Variants in SCUBE2 observed in about 807,000 individuals in gnomAD.
SCUBE2 encodes signal peptide, CUB domain and EGF like domain containing 2, also known as signal peptide, CUB and EGF-like domain-containing protein 2.
SCUBE2 carries 114 observed loss-of-function variants against 125.9 expected under a neutral mutation model. The observed-to-expected ratio is 0.91, with a 90% CI of 0.78 to 1.06. The LOEUF (loss-of-function observed/expected upper bound fraction) is 1.06, where lower values mean the gene tolerates loss of function less well. Ranked by LOEUF, SCUBE2 falls within the 50% of genes least tolerant of loss-of-function variation. The pLI, the probability that SCUBE2 is intolerant of heterozygous loss-of-function variation, is 0.00. For missense variants in SCUBE2, 1,255 were observed against 1,301.8 expected, an observed-to-expected ratio of 0.96 and a Z score of 0.55; for synonymous variants, 459 against 492.9, an observed-to-expected ratio of 0.93 and a Z score of 0.91.
At chr11:9,051,237 C>CCTACCTATCTAT (rs1555245415) in intron 13 of SCUBE2, among the ~76,000 whole-genome samples, 3,222 of 150,310 alleles carry the variant, frequency 0.021, 98 homozygotes, top group East Asian at 0.073. Context: ...TACCTACCTA[C>CCTACCTATCTAT]CTATCTATCT....
chr11:9,039,298 G>C (rs1293129647), intron 16 of SCUBE2, among the ~76,000 whole-genome samples: 1 of 152,070 alleles, frequency 6.6e-6, no homozygotes, highest in African/African-American at 2.4e-5. Context: ...GGAGAAAACT[G>C]GTCAGATAAA....
intron 7 of SCUBE2, chr11:9,064,841 G>A (rs939938352): frequency 4.6e-5 from 7 of 152,124 alleles, no homozygotes; most frequent in African/African-American, 1.7e-4. Context: ...TGTTTAGGTT[G>A]AGCCAGACTT....
rs1318323400 is a variant in SCUBE2, at chr11:9,029,168, T to TA, written c.2503+715dup. ...TAATTTTGGTTATAAATAGTGGCTT[T>TA]AAAAAAAAAGCCTAGACAGCAAGTC... is the stretch of plus-strand genomic sequence containing the variant. On this transcript the variant is annotated intron_variant, in intron 19 of 22. Coordinates refer to ENST00000649792, the MANE Select transcript of SCUBE2 (RefSeq NM_001367977.2). Among the ~76,000 whole-genome samples the TA allele has an allele frequency of 5.3e-5, 8 of 151,334 alleles. No individual in the cohort carries two copies. The South Asian group carries it at 1.0e-3, about 20-fold the overall frequency.
intron 16 of SCUBE2, among the ~76,000 whole-genome samples, chr11:9,040,681 G>C (rs1857156218): frequency 6.7e-6 from 1 of 148,884 alleles, no homozygotes; most frequent in Non-Finnish European, 1.5e-5. Flanking sequence ...CACAGTGTGG[G>C]TACGCAGGAG....
intron 13 of SCUBE2, among the ~76,000 whole-genome samples, chr11:9,051,243 T>TAC (rs1250184755): frequency 6.6e-6 from 1 of 152,124 alleles, no homozygotes; most frequent in Non-Finnish European, 1.5e-5. Context: ...CCTACCTATC[T>TAC]ATCTATCTAT....
chr11:9,087,642 T>G (rs1180911475), intron 2 of SCUBE2, among the ~76,000 whole-genome samples: 1 of 151,698 alleles, frequency 6.6e-6, no homozygotes, highest in South Asian at 2.1e-4. Context: ...GGAGCCTCAC[T>G]CCTCATGCAC....
chr11:9,024,301 T>A, intron 21 of SCUBE2: 1 of 1,168,724 alleles, frequency 8.6e-7, no homozygotes, highest in Non-Finnish European at 1.1e-6. Context: ...TGCTTTTGGG[T>A]AGATGAGGCT....
chr11:9,075,431 G>A (rs1323132939), intron 3 of SCUBE2, among the ~76,000 whole-genome samples: 2 of 152,144 alleles, frequency 1.3e-5, no homozygotes, highest in Admixed American at 6.5e-5. Flanking sequence ...GGAAGAGAGC[G>A]TAAGCAGTAG....
At position 9,060,418 on chromosome 11, in the gene SCUBE2, C is replaced by T. The variant is rs779022857; in HGVS notation, c.957G>A (p.Lys319=). ...PVGFTLQLDG[K]TCKDIDECQT... ...GGAGGTGAAGGCTACCTTTACATGT[C>T]TTCCCATCCAACTGGAGAGTGAATC... Residue 319 remains lysine, a synonymous_variant, in exon 8 of 23, where the codon AAG becomes AAA. Transcript: ENST00000649792. The T allele has an allele frequency of 9.9e-6, 16 of 1,613,638 alleles. No homozygotes were observed. The Admixed American group carries it at 1.8e-4, about 18-fold the overall frequency.
intron 19 of SCUBE2, among the ~76,000 whole-genome samples, chr11:9,028,623 C>T (rs946269257): frequency 1.3e-5 from 2 of 152,184 alleles, no homozygotes; most frequent in African/African-American, 2.4e-5. Context: ...GAAGGGATTA[C>T]TTTTTCCCTC....
chr11:9,053,464 C>T (rs576985355), intron 11 of SCUBE2, among the ~76,000 whole-genome samples, 173 bp downstream of exon 11: 3 of 152,332 alleles, frequency 2.0e-5, no homozygotes, highest in African/African-American at 7.2e-5. Context: ...AAGGAAACAC[C>T]AAAGATCCGG....
At position 9,020,387 on chromosome 11, in the gene SCUBE2, T is replaced by C. The variant is rs983231391; in HGVS notation, c.*658A>G. ...AAGGCTGGCAATAAATGTACATTATTATGTCTCCAGAAGTGCTTAGTTTTT... is the reference window on the plus strand; with the variant it reads ...AAGGCTGGCAATAAATGTACATTATCATGTCTCCAGAAGTGCTTAGTTTTT... On this transcript the variant is annotated 3_prime_UTR_variant, in exon 23 of 23. Coordinates refer to ENST00000649792, the MANE Select transcript of SCUBE2 (RefSeq NM_001367977.2). 6.6e-6 allele frequency: 1 copy of C among 152,178 alleles called. No homozygotes were observed. 9.4% of individuals were successfully genotyped at this position (152,178 alleles called of 1,614,324 possible).
chr11:9,052,974 C>G, intron 12 of SCUBE2, 125 bp downstream of exon 12: 1 of 1,046,000 alleles, frequency 9.6e-7, no homozygotes, highest in South Asian at 1.5e-5. Flanking sequence ...ATGGACCTCT[C>G]AAAGCACGGT....
rs1858495930 is a variant in SCUBE2 at position 9,052,292 on chromosome 11, G to A, written c.1534+454C>T. 2.0e-5 allele frequency among the ~76,000 whole-genome samples: 3 copies of A among 152,200 alleles called. No individual in the cohort carries two copies. The South Asian group carries it at 6.2e-4, about 32-fold the overall frequency. On this transcript the variant is annotated intron_variant, in intron 13 of 22. Coordinates refer to ENST00000649792, the MANE Select transcript of SCUBE2 (RefSeq NM_001367977.2). ...ATGACAAAGGCGTCTATATCCGGGA[G>A]GACACAGCCTCCTAAAAACCTTGGA...
intron 7 of SCUBE2, among the ~76,000 whole-genome samples, chr11:9,062,498 A>G (rs1859779193): frequency 6.6e-6 from 1 of 152,250 alleles, no homozygotes; most frequent in Non-Finnish European, 1.5e-5. Context: ...TTAAATATGA[A>G]AAGTCGGTCA....
intron 4 of SCUBE2, 51 bp from the exon 5 acceptor site, chr11:9,069,546 A>T: frequency 6.2e-7 from 1 of 1,609,816 alleles, no homozygotes; most frequent in South Asian, 1.1e-5. Context: ...CAGAATCCTG[A>T]GCCCTGGGAG....
intron 17 of SCUBE2, among the ~76,000 whole-genome samples, chr11:9,033,418 T>G (rs1487876167): frequency 6.6e-6 from 1 of 152,198 alleles, no homozygotes; most frequent in African/African-American, 2.4e-5. Flanking sequence ...TACCCCATCT[T>G]CATTTATTTG....
intron 8 of SCUBE2, 103 bp from the exon 9 acceptor site, chr11:9,059,528 G>A: frequency 7.3e-7 from 1 of 1,361,422 alleles, no homozygotes; most frequent in Admixed American, 2.4e-5. Flanking sequence ...CTGAAATTAA[G>A]AAAAAGACTC....
At chr11:9,051,208 AT>A (rs879475148) in intron 13 of SCUBE2, among the ~76,000 whole-genome samples, 2,703 of 148,856 alleles carry the variant, frequency 0.018, 32 homozygotes, top group Non-Finnish European at 0.029. Flanking sequence ...CTATCTATCT[AT>A]CTATCTATCT....
Sources: gnomAD v4.1 joint callset for allele counts (sites outside exome capture counted in the v4.1 genomes callset) on GRCh38, gnomAD v4.1.1 for gene constraint, MANE v1.5 for transcripts, NCBI Gene and HGNC (gene_info 2026-07-23, HGNC 2026-07-21) for gene names.